The following LRP6 variants were observed in gnomAD, a reference collection of about 807,000 sequenced individuals.
LRP6 encodes the protein LDL receptor related protein 6.
Under a neutral mutation model 184.1 loss-of-function variants are expected in LRP6, and 43 were observed. The observed-to-expected ratio is 0.23, with a 90% CI of 0.18 to 0.30. The LOEUF (loss-of-function observed/expected upper bound fraction) is 0.30. Ranked by LOEUF, LRP6 falls within the 10% of genes least tolerant of loss-of-function variation. The pLI, the probability that LRP6 is intolerant of heterozygous loss-of-function variation, is 1.00. For missense variants in LRP6, 1,571 were observed against 2,005.3 expected (o/e 0.78, Z 4.14); for synonymous variants, 719 against 684.9 (o/e 1.05, Z -0.78).
chr12:12,204,217 T>C (rs1279429966), intron 2 of LRP6, among the ~76,000 whole-genome samples: 2 of 146,392 alleles, frequency 1.4e-5, no homozygotes, highest in African/African-American at 5.1e-5. Flanking sequence ...GGAAACAGTG[T>C]GATTCAAGTC....
At chr12:12,124,471 G>A (rs961459682) in intron 22 of LRP6, 94 bp downstream of exon 22, 34 of 842,572 alleles carry the variant, frequency 4.0e-5, no homozygotes, top group Non-Finnish European at 6.8e-5. Context: ...TCTCTCTGGT[G>A]ACCATCGTCT....
intron 12 of LRP6, chr12:12,155,380 T>C (rs1330992429): frequency 1.3e-5 from 10 of 779,824 alleles, no homozygotes; most frequent in African/African-American, 5.1e-5. Context: ...GGTGATATTG[T>C]AGACATCAAG....
intron 19 of LRP6, among the ~76,000 whole-genome samples, chr12:12,127,872 G>C (rs574427501): frequency 6.6e-6 from 1 of 152,100 alleles, no homozygotes; most frequent in Admixed American, 6.5e-5. Flanking sequence ...AAAGAAATGC[G>C]TGAAAATGAC....
chr12:12,121,038 C>T lies in LRP6; in HGVS notation c.*88G>A, dbSNP rs182292614. 2 of 1,229,546 alleles carry T rather than the reference C, an allele frequency of 1.6e-6. No homozygotes were observed. Among genetic ancestry groups the T allele is most frequent in the East Asian group, 5.1e-5 (2 of 39,338 alleles). 76.2% of individuals were successfully genotyped at this position (1,229,546 alleles called of 1,614,324 possible). A position where few individuals can be genotyped will look rare whatever the true frequency, so the allele number is the denominator to read the frequency against. ...TGTACATGGTCTGCCTCATCCTTCT[C>T]TAATAGCTCCCTCCCCCCCTCCAGA... On this transcript the variant is annotated 3_prime_UTR_variant, in exon 23 of 23. Transcript: ENST00000261349.
chr12:12,239,356 G>A (rs572754155), intron 2 of LRP6, among the ~76,000 whole-genome samples: 1 of 152,254 alleles, frequency 6.6e-6, no homozygotes, highest in East Asian at 1.9e-4. Context: ...CTTTTAAACT[G>A]TTCCATTTTT....
chr12:12,127,910 T>C (rs1949695558), intron 19 of LRP6, among the ~76,000 whole-genome samples: 1 of 152,192 alleles, frequency 6.6e-6, no homozygotes, highest in Non-Finnish European at 1.5e-5. Context: ...TATGTAGGGA[T>C]TATCATTTAC....
chr12:12,147,042 C>T (rs754688433), intron 15 of LRP6, among the ~76,000 whole-genome samples: 17 of 152,054 alleles, frequency 1.1e-4, no homozygotes, highest in Non-Finnish European at 2.5e-4. Context: ...GTCCCAGATA[C>T]TCAGGAGGCT....
rs1862819861 is a variant in LRP6 at position 12,164,434 on chromosome 12, C to T, written c.1891G>A (p.Glu631Lys). ...ISDMKTCIVP[E>K]AFLLFSRRAD... ...CTCCGTGAAAACAAAAGGAAAGCCT[C>T]TGGGACAATGCAGGTCTTCATGTCA... Residue 631 changes from glutamate to lysine, a missense_variant, in exon 9 of 23, where the codon GAG becomes AAG. By Grantham distance (56) the Glu-to-Lys change is moderately conservative. This residue lies in a region of LRP6 where 640 missense variants were observed against 851.9 expected (regional missense o/e 0.75). Coordinates refer to ENST00000261349, the MANE Select transcript of LRP6 (RefSeq NM_002336.3). 1 of 1,614,150 alleles carries T rather than the reference C, an allele frequency of 6.2e-7. No homozygotes were observed. The highest frequency in any genetic ancestry group is 8.5e-7 in the Non-Finnish European group (1 of 1,180,024).
chr12:12,208,737 AG>A (rs1398166250), intron 2 of LRP6, among the ~76,000 whole-genome samples: 2 of 152,208 alleles, frequency 1.3e-5, no homozygotes, highest in Non-Finnish European at 2.9e-5. Context: ...AAATGGGTAA[AG>A]GAAGACACAT....
chr12:12,147,359 T>G lies in LRP6; in HGVS notation c.3397+7A>C, dbSNP rs1375937640. 6.2e-7 allele frequency: 1 copy of G among 1,613,902 alleles called. No homozygotes were observed. The highest frequency in any genetic ancestry group is 8.5e-7 in the Non-Finnish European group (1 of 1,179,804). ...AATTAAAATAAGGAAACATATTTCT[T>G]GGGTACCTGAGAGATCACTGCTTTC... On this transcript the variant is annotated splice_region_variant and intron_variant, in intron 15 of 22. Transcript: ENST00000261349.
chr12:12,257,260 T>A (rs538721035), intron 1 of LRP6, among the ~76,000 whole-genome samples: 3 of 152,110 alleles, frequency 2.0e-5, no homozygotes, highest in Admixed American at 1.3e-4. Context: ...ATGTGAATTA[T>A]AGCTCCAAAA....
At position 12,137,389 on chromosome 12, in the gene LRP6, C is replaced by G. The variant is rs572545295; in HGVS notation, c.3607+936G>C. Among the ~76,000 whole-genome samples the G allele has an allele frequency of 3.9e-5, 6 of 152,126 alleles. No individual in the cohort carries two copies. In the East Asian group the frequency reaches 1.2e-3, roughly 29 times the overall value. ...TGAATTAAGAACTAGGCCAAGATGA[C>G]TAGCCATTTTCAAAAAAAAATAAGA... On this transcript the variant is annotated intron_variant, in intron 16 of 22. Transcript: ENST00000261349.
intron 2 of LRP6, among the ~76,000 whole-genome samples, chr12:12,205,223 A>C (rs997164185): frequency 6.6e-6 from 1 of 151,188 alleles, no homozygotes; most frequent in East Asian, 1.9e-4. Context: ...AGGCTGAGGC[A>C]AGAGAATCGC....
chr12:12,148,287 TA>T (rs1950036878), intron 14 of LRP6, among the ~76,000 whole-genome samples: 1 of 151,930 alleles, frequency 6.6e-6, no homozygotes, highest in African/African-American at 2.4e-5. Flanking sequence ...CACAAAATTT[TA>T]AATTCTTTCT....
At chr12:12,121,949 A>C (rs1472931881) in intron 22 of LRP6, among the ~76,000 whole-genome samples, 6 of 152,214 alleles carry the variant, frequency 3.9e-5, no homozygotes, top group Admixed American at 3.3e-4. Context: ...AGACAGCCTC[A>C]GGGGCATAAC....
chr12:12,162,453 C>T (rs1362287168), intron 9 of LRP6, 34 bp from the exon 10 acceptor site: 3 of 1,548,644 alleles, frequency 1.9e-6, no homozygotes, highest in Admixed American at 3.3e-5. Flanking sequence ...AGTCATATGG[C>T]ATAAGTCTAA....
intron 1 of LRP6, among the ~76,000 whole-genome samples, chr12:12,247,184 A>G (rs1386409740): frequency 6.6e-6 from 1 of 152,210 alleles, no homozygotes; most frequent in Non-Finnish European, 1.5e-5. Flanking sequence ...AAAGGTCCCT[A>G]CTAGTGAAGG....
intron 1 of LRP6, 151 bp downstream of exon 1, chr12:12,266,530 G>A (rs1865768802): frequency 8.1e-6 from 6 of 740,648 alleles, no homozygotes; most frequent in South Asian, 3.4e-5. Flanking sequence ...CCTGCTCCCG[G>A]GCCCCTTTCT....
chr12:12,142,570 A>G (rs1207015431), intron 15 of LRP6, among the ~76,000 whole-genome samples: 1 of 152,210 alleles, frequency 6.6e-6, no homozygotes, highest in Non-Finnish European at 1.5e-5. Flanking sequence ...TCAACTTGAC[A>G]GTAACCTTTT....
Sources: gnomAD v4.1 joint callset for allele counts (sites outside exome capture counted in the v4.1 genomes callset) on GRCh38, gnomAD v4.1.1 for gene constraint, gnomAD v4.1.1 regional missense constraint, MANE v1.5 for transcripts, NCBI Gene and HGNC (gene_info 2026-07-23, HGNC 2026-07-21) for gene names.